VMP1: variants seen among roughly 807,000 people sequenced by gnomAD.
The protein encoded by VMP1 is ectopic P-granules autophagy protein 3 homolog.
A neutral mutation model predicts 56.0 loss-of-function variants in VMP1; 11 were observed. The observed-to-expected ratio is 0.20, with a 90% CI of 0.12 to 0.32. The LOEUF is 0.32. Among genes scored for constraint, VMP1 ranks in the 10% least tolerant of loss-of-function variants. The pLI is 1.00. For missense variants in VMP1, 296 were observed against 490.3 expected (o/e 0.60, Z 3.74); for synonymous variants, 149 against 165.0 (o/e 0.90, Z 0.74).
intron 7 of VMP1, among the ~76,000 whole-genome samples, chr17:59,778,681 A>G (rs537533020): frequency 3.3e-5 from 5 of 152,202 alleles, no homozygotes; most frequent in Non-Finnish European, 5.9e-5. Context: ...ACCTCCATGT[A>G]TCAGTGTCTA....
At chr17:59,791,758 C>G (rs571601657) in intron 7 of VMP1, among the ~76,000 whole-genome samples, 19 of 152,266 alleles carry the variant, frequency 1.2e-4, no homozygotes, top group Admixed American at 9.2e-4. Flanking sequence ...GCCACCATGC[C>G]TGGCCCCATT....
At chr17:59,758,365 CAATT>C (rs2035923498) in intron 5 of VMP1, among the ~76,000 whole-genome samples, 1 of 152,120 alleles carries the variant, frequency 6.6e-6, no homozygotes, top group African/African-American at 2.4e-5. Context: ...GTTGTTCTAT[CAATT>C]AATGAAATAT....
At chr17:59,797,353 A>G (rs1221844813) in intron 7 of VMP1, among the ~76,000 whole-genome samples, 3 of 151,854 alleles carry the variant, frequency 2.0e-5, no homozygotes, top group Non-Finnish European at 4.4e-5. Context: ...AAAAAAAAAA[A>G]AAAGAAAAAG....
At chr17:59,815,690 A>T (rs1598433661) in intron 9 of VMP1, among the ~76,000 whole-genome samples, 1 of 52,866 alleles carries the variant, frequency 1.9e-5, no homozygotes. Flanking sequence ...CGTCTCTACT[A>T]AAAAAAATAC....
intron 1 of VMP1, among the ~76,000 whole-genome samples, chr17:59,718,560 G>A (rs2034266965): frequency 6.6e-6 from 1 of 151,782 alleles, no homozygotes; most frequent in Non-Finnish European, 1.5e-5. Context: ...TTGAGGTGCA[G>A]TGCCACAATC....
intron 5 of VMP1, among the ~76,000 whole-genome samples, chr17:59,742,221 A>G (rs1045117931): frequency 2.6e-5 from 4 of 152,154 alleles, no homozygotes; most frequent in African/African-American, 9.7e-5. Context: ...ACAAAAAATT[A>G]TTAGAGCTGG....
At chr17:59,730,428 G>A (rs1262716562) in intron 1 of VMP1, among the ~76,000 whole-genome samples, 3 of 151,996 alleles carry the variant, frequency 2.0e-5, no homozygotes, top group Admixed American at 6.6e-5. Flanking sequence ...ATCACTCCTG[G>A]CTAATTTATT....
chr17:59,780,450 G>A (rs888209898), intron 7 of VMP1, among the ~76,000 whole-genome samples: 4 of 152,128 alleles, frequency 2.6e-5, no homozygotes, highest in Non-Finnish European at 4.4e-5. Context: ...AAATTAGCTG[G>A]GCATGGTAGT....
At chr17:59,811,057 T>A (rs1208792425) in intron 8 of VMP1, among the ~76,000 whole-genome samples, 1 of 152,240 alleles carries the variant, frequency 6.6e-6, no homozygotes, top group African/African-American at 2.4e-5. Context: ...ATCTTCTTTA[T>A]AAATTGTGTC....
chr17:59,821,894 G>A (rs1174312190), intron 10 of VMP1, among the ~76,000 whole-genome samples: 1 of 151,390 alleles, frequency 6.6e-6, no homozygotes, highest in Non-Finnish European at 1.5e-5. Context: ...CCAGGCTGGG[G>A]TACAGTGGCA....
intron 7 of VMP1, among the ~76,000 whole-genome samples, chr17:59,788,876 G>A (rs1212774658): frequency 2.0e-5 from 3 of 150,240 alleles, no homozygotes; most frequent in East Asian, 1.9e-4. Flanking sequence ...TTCCACACCT[G>A]TTTGCAGATA....
chr17:59,822,501 G>A (rs919353474), intron 10 of VMP1, among the ~76,000 whole-genome samples: 1 of 151,274 alleles, frequency 6.6e-6, no homozygotes, highest in Non-Finnish European at 1.5e-5. Context: ...GCTAATTTTT[G>A]TATTTTTAGT....
chr17:59,828,090 C>T (rs1447161643), intron 10 of VMP1, among the ~76,000 whole-genome samples: 2 of 151,334 alleles, frequency 1.3e-5, no homozygotes, highest in African/African-American at 4.9e-5. Flanking sequence ...TGATTTTTAA[C>T]AGAGTTTTGT....
At chr17:59,837,638 A>G (rs1027834740) in intron 10 of VMP1, 1 of 152,374 alleles carries the variant, frequency 6.6e-6, no homozygotes, top group African/African-American at 2.4e-5. Context: ...TTCAAAGTTC[A>G]TAGTTCCTTC....
intron 10 of VMP1, 50 bp downstream of exon 10, chr17:59,817,823 G>A: frequency 1.4e-6 from 2 of 1,409,624 alleles, no homozygotes; most frequent in Non-Finnish European, 2.0e-6. Flanking sequence ...CTTTAAATGG[G>A]AGTAAATGTG....
chr17:59,801,110 ATATGTGTGTGTGTG>A (rs1274961331), intron 7 of VMP1, among the ~76,000 whole-genome samples: 5 of 109,726 alleles, frequency 4.6e-5, no homozygotes, highest in African/African-American at 1.8e-4. Context: ...ATATATATAT[ATATGTGTGTGTGTG>A]TGTGTGTGTG....
At position 59,794,215 on chromosome 17, in the gene VMP1, C is replaced by T. The variant is rs542207230; in HGVS notation, c.715-14581C>T. On this transcript the variant is annotated intron_variant, in intron 7 of 11. Coordinates refer to ENST00000262291, the MANE Select transcript of VMP1 (RefSeq NM_030938.5). ...GATTACAGGTGTGAGTCACCGCACCCGGCCTTTTTTTTTTTTTTTTTTTTT... is the reference window on the plus strand; with the variant it reads ...GATTACAGGTGTGAGTCACCGCACCTGGCCTTTTTTTTTTTTTTTTTTTTT... 3.2e-4 allele frequency among the ~76,000 whole-genome samples: 43 copies of T among 133,758 alleles called. No individual in the cohort carries two copies. The South Asian group carries it at 7.6e-3, about 24-fold the overall frequency. The allele number at this position is 133,758 out of a possible 152,430, so 87.8% of individuals were successfully genotyped here. A position where few individuals can be genotyped will look rare whatever the true frequency, so the allele number is the denominator to read the frequency against.
chr17:59,834,316 G>A (rs2038909826), intron 10 of VMP1, among the ~76,000 whole-genome samples: 1 of 148,328 alleles, frequency 6.7e-6, no homozygotes, highest in Non-Finnish European at 1.5e-5. Flanking sequence ...AGGGTAGAGT[G>A]CAATGGCATG....
intron 1 of VMP1, among the ~76,000 whole-genome samples, chr17:59,724,231 GAAAAGA>G: frequency 6.9e-6 from 1 of 145,514 alleles, no homozygotes; most frequent in East Asian, 2.0e-4. Context: ...AAAAAAGAAA[GAAAAGA>G]AAAAGAAAAA....
Sources: allele counts gnomAD v4.1 joint callset (sites outside exome capture counted in the v4.1 genomes callset), GRCh38; gene constraint gnomAD v4.1.1; transcripts MANE v1.5; gene names NCBI Gene and HGNC (gene_info 2026-07-23, HGNC 2026-07-21).